PSG7: variants seen among roughly 807,000 people sequenced by gnomAD.
The protein encoded by PSG7 is pregnancy specific beta-1-glycoprotein 7, also known as pregnancy-specific beta-1-glycoprotein 7.
In PSG7, 57 loss-of-function variants were observed where a neutral mutation model predicts 45.6. That is an observed-to-expected ratio of 1.25 (90% CI 1.01 to 1.56). The LOEUF is 1.56. Ranked by LOEUF, PSG7 falls within the 40% of genes most tolerant of loss-of-function variation. PSG7 has a pLI of 0.00. For missense variants in PSG7, 796 were observed against 508.4 expected (o/e 1.57, Z -5.44); for synonymous variants, 298 against 194.4 (o/e 1.53, Z -4.43).
In PSG7 at chr19:42,925,801, G is replaced by A. The variant is rs367788662; in HGVS notation, c.1215C>T (p.Ser405=). The A allele has an allele frequency of 4.2e-4, 675 of 1,612,102 alleles. 19 individuals are homozygous for A. Among genetic ancestry groups the A allele is most frequent in the Non-Finnish European group, 5.3e-4 (625 of 1,179,042 alleles). ...AGACTCTGACTGTCACGGATTTGGAGCTTTCCTTGCCAGTGGCTGAGTTAC... is the reference window on the plus strand; with the variant it reads ...AGACTCTGACTGTCACGGATTTGGAACTTTCCTTGCCAGTGGCTGAGTTAC... ...SVRNSATGKE[S]SKSVTVRVSD... The change falls in exon 5 of 6, where the codon AGC becomes AGT. Residue 405 remains serine (S), a synonymous_variant. Coordinates refer to ENST00000406070, the MANE Select transcript of PSG7 (RefSeq NM_002783.3).
chr19:42,929,808 C>T, intron 2 of PSG7, 88 bp from the exon 3 acceptor site: 3 of 1,513,506 alleles, frequency 2.0e-6, no homozygotes, highest in Non-Finnish European at 2.7e-6. Flanking sequence ...CATTTCCAAC[C>T]TCTCAGCCCA....
At chr19:42,933,265 CAATATA>C (rs1378326833) in intron 2 of PSG7, among the ~76,000 whole-genome samples, 27 of 30,370 alleles carry the variant, frequency 8.9e-4, no homozygotes, top group Non-Finnish European at 1.3e-3. Flanking sequence ...ATCACCATTT[CAATATA>C]TATATATATA....
Position 42,926,079 on chromosome 19 carries a change from G to C in PSG7, c.989-52C>G, listed in dbSNP as rs147705344. 5.5e-3 allele frequency: 8,784 copies of C among 1,595,084 alleles called. 261 individuals are homozygous for C. The highest frequency in any genetic ancestry group is 0.01 in the Middle Eastern group (60 of 5,862). On this transcript the variant is annotated intron_variant, in intron 4 of 5. Coordinates refer to ENST00000406070, the MANE Select transcript of PSG7 (RefSeq NM_002783.3). ...GTGATGTTATCCGAGGGAAGGGGAT[G>C]CTCCTGGTCTCTTAAAGGGACAGAG...
intron 3 of PSG7, among the ~76,000 whole-genome samples, chr19:42,928,737 A>G (rs1972948997): frequency 6.6e-6 from 1 of 151,350 alleles, no homozygotes; most frequent in South Asian, 2.1e-4. Context: ...CCTGATAGCC[A>G]GATAGACTTC....
At chr19:42,926,990 C>A (rs544820600) in intron 3 of PSG7, 4 of 571,790 alleles carry the variant, frequency 7.0e-6, no homozygotes, top group African/African-American at 1.9e-5. Context: ...GGAGTCACAG[C>A]GCCTGGTACC....
chr19:42,931,205 T>G lies in PSG7; in HGVS notation c.431-1485A>C, dbSNP rs3859465. 9.2e-5 allele frequency among the ~76,000 whole-genome samples: 14 copies of G among 151,516 alleles called. 1 individual carries two copies. The highest frequency in any genetic ancestry group is 6.3e-4 in the South Asian group (3 of 4,754). ...GGAGGAAACATTAAAATGTTTTCAT[T>G]AGTGGAAATTTTTACTGATGGTCCA... On this transcript the variant is annotated intron_variant, in intron 2 of 5. Transcript: ENST00000406070.
Position 42,926,792 on chromosome 19 carries a change from G to A in PSG7, c.710-76C>T, listed in dbSNP as rs1232516812. ...CCACAGGCATCCTTCAATTAGAGTT[G>A]GCATCTCCCACCTGTCAACACGTGT... On this transcript the variant is annotated intron_variant, in intron 3 of 5. Transcript: ENST00000406070. 2.5e-6 allele frequency: 4 copies of A among 1,579,614 alleles called. No individual in the cohort carries two copies. The African/African-American group carries it at 5.4e-5, about 21-fold the overall frequency.
At chr19:42,935,325 C>G in intron 2 of PSG7, 79 bp downstream of exon 2, 1 of 1,552,022 alleles carries the variant, frequency 6.4e-7, no homozygotes, top group Non-Finnish European at 8.8e-7. Context: ...AGGCACAGTC[C>G]AGGCCTGACA....
intron 2 of PSG7, among the ~76,000 whole-genome samples, chr19:42,934,656 T>A (rs1000550192): frequency 5.3e-5 from 8 of 151,824 alleles, no homozygotes; most frequent in African/African-American, 1.9e-4. Flanking sequence ...GAAAGCACCT[T>A]TACGTCAGAT....
chr19:42,935,784 G>A lies in PSG7; in HGVS notation c.65-15C>T, dbSNP rs1489950690. ...TAAAAGTGATGCTAGGAGGTGGAGA[G>A]AGCATCAGTCAATATTGAGACCTAT... On this transcript the variant is annotated splice_polypyrimidine_tract_variant and intron_variant, in intron 1 of 5. Transcript: ENST00000406070. 1.9e-6 allele frequency: 3 copies of A among 1,602,442 alleles called. No homozygotes were observed. Among genetic ancestry groups the A allele is most frequent in the Non-Finnish European group, 2.6e-6 (3 of 1,174,694 alleles).
chr19:42,926,971 A>G, intron 3 of PSG7: 1 of 689,106 alleles, frequency 1.5e-6, no homozygotes, highest in East Asian at 3.0e-5. Context: ...ATGGACAGAC[A>G]TGTCAGTGGG....
intron 2 of PSG7, among the ~76,000 whole-genome samples, chr19:42,930,779 G>A (rs1973002734): frequency 6.6e-6 from 1 of 151,576 alleles, no homozygotes; most frequent in African/African-American, 2.4e-5. Flanking sequence ...GGGGAATAGG[G>A]CACTGTTCCG....
intron 3 of PSG7, 118 bp from the exon 4 acceptor site, chr19:42,926,834 A>G (rs1972904890): frequency 2.0e-6 from 3 of 1,500,962 alleles, no homozygotes; most frequent in African/African-American, 1.4e-5. Context: ...TTGAAAGCCA[A>G]TAGCTGGTGT....
rs376395338 is a variant in PSG7, at chr19:42,929,472, G to C, written c.679C>G (p.Arg227Gly). Residue 227 changes from arginine (R) to glycine (G), a missense_variant, in exon 3 of 6, where the codon CGC becomes GGC. By Grantham distance (125) the Arg-to-Gly change is moderately radical (BLOSUM62 -2). Transcript: ENST00000406070. Reference sequence around the variant, plus strand: ...AGATTCAGGGTGACTGGGTCACTGCGGCTGGCACTCACTGGGTTCCGTATT... The same window carrying C: ...AGATTCAGGGTGACTGGGTCACTGCCGCTGGCACTCACTGGGTTCCGTATT... ...CEIRNPVSAS[R>G]SDPVTLNLLP... The C allele has an allele frequency of 6.2e-7, 1 of 1,612,474 alleles. No homozygotes were observed. Among genetic ancestry groups the C allele is most frequent in the African/African-American group, 1.3e-5 (1 of 74,722 alleles).
At chr19:42,925,177 C>T (rs1200848329) in intron 5 of PSG7, 3 of 362,242 alleles carry the variant, frequency 8.3e-6, no homozygotes, top group African/African-American at 2.1e-5. Context: ...CATACTGGTT[C>T]ATTCTAGCTA....
intron 3 of PSG7, chr19:42,929,197 C>G: frequency 3.3e-6 from 3 of 898,128 alleles, no homozygotes; most frequent in Non-Finnish European, 4.9e-6. Flanking sequence ...CTGAGACATT[C>G]ACCTGTTTCT....
rs752167183 is a variant in PSG7 at position 42,929,737 on chromosome 19, G to A, written c.431-17C>T. On this transcript the variant is annotated splice_polypyrimidine_tract_variant and intron_variant, in intron 2 of 5. Transcript: ENST00000406070. ...GAGTCTCCACTGTGCGGAAAACAGA[G>A]AGAAGATTGCCCTGTGTGGCACCTT... is the stretch of plus-strand genomic sequence containing the variant. 3.0e-5 allele frequency: 48 copies of A among 1,605,736 alleles called. No individual in the cohort carries two copies. Among genetic ancestry groups the A allele is most frequent in the Non-Finnish European group, 3.9e-5 (46 of 1,176,912 alleles).
At chr19:42,932,197 G>C (rs1973035580) in intron 2 of PSG7, among the ~76,000 whole-genome samples, 1 of 151,326 alleles carries the variant, frequency 6.6e-6, no homozygotes, top group Admixed American at 6.6e-5. Flanking sequence ...CTAATTTTTT[G>C]TATTTTTAGT....
intron 2 of PSG7, among the ~76,000 whole-genome samples, chr19:42,930,394 G>C (rs1346005389): frequency 6.6e-6 from 1 of 151,624 alleles, no homozygotes; most frequent in Non-Finnish European, 1.5e-5. Context: ...CCTACAAAGA[G>C]TGAAGGGGAC....
Sources: allele counts gnomAD v4.1 joint callset (sites outside exome capture counted in the v4.1 genomes callset), GRCh38; gene constraint gnomAD v4.1.1; transcripts MANE v1.5; gene names NCBI Gene and HGNC (gene_info 2026-07-23, HGNC 2026-07-21).